The following DENND6A variants were observed in gnomAD, a reference collection of about 807,000 sequenced individuals.
DENND6A encodes the protein protein DENND6A.
DENND6A carries 43 observed loss-of-function variants against 95.5 expected under a neutral mutation model. The observed-to-expected ratio is 0.45, with a 90% CI of 0.35 to 0.58. The LOEUF (loss-of-function observed/expected upper bound fraction) is 0.58. Among genes scored for constraint, DENND6A ranks in the 20% least tolerant of loss-of-function variants. DENND6A has a pLI of 0.00. For missense variants in DENND6A, 574 were observed against 736.0 expected (o/e 0.78, Z 2.55); for synonymous variants, 257 against 260.4 (o/e 0.99, Z 0.13).
chr3:57,641,583 A>G (rs920984050), intron 12 of DENND6A, 70 bp downstream of exon 12: 3 of 1,310,152 alleles, frequency 2.3e-6, no homozygotes, highest in Non-Finnish European at 2.1e-6. Context: ...AAAATAATCA[A>G]GGATGAAAAG....
intron 1 of DENND6A, 35 bp from the exon 2 acceptor site, chr3:57,672,473 T>G (rs2071635001): frequency 7.5e-6 from 12 of 1,591,518 alleles, no homozygotes; most frequent in Non-Finnish European, 1.0e-5. Flanking sequence ...TTAAACATAT[T>G]ATAAACATTA....
In DENND6A at chr3:57,643,850, G is replaced by A. The variant is rs1453060704; in HGVS notation, c.1037+1811C>T. 1.3e-4 allele frequency among the ~76,000 whole-genome samples: 19 copies of A among 149,990 alleles called. No individual in the cohort carries two copies. In the East Asian group the frequency reaches 1.4e-3, roughly 11 times the overall value. The stretch of plus-strand genomic sequence containing the variant: ...TCAAAAAAAAAAAAAAAACTGTACA[G>A]AAATAATTATCAGTCTGGGCCAGGC... On this transcript the variant is annotated intron_variant, in intron 11 of 19. Transcript: ENST00000311128.
intron 1 of DENND6A, among the ~76,000 whole-genome samples, chr3:57,676,422 T>C (rs2071710750): frequency 6.9e-6 from 1 of 145,182 alleles, no homozygotes; most frequent in African/African-American, 2.5e-5. Flanking sequence ...TGTTACAAGA[T>C]GTCTTAGAAA....
At chr3:57,678,186 T>C (rs2077126175) in intron 1 of DENND6A, among the ~76,000 whole-genome samples, 1 of 152,212 alleles carries the variant, frequency 6.6e-6, no homozygotes, top group Non-Finnish European at 1.5e-5. Flanking sequence ...CCTGATACTT[T>C]TTCCAGGATA....
In DENND6A at chr3:57,641,701, G is replaced by A. The variant is rs2153413299; in HGVS notation, c.1084C>T (p.Leu362Phe). ...GVTNPFFAKT[L>F]QHWPHIIRIG... The stretch of plus-strand genomic sequence containing the variant: ...CGAATAATGTGTGGCCAGTGCTGGA[G>A]TGTCTTAGCAAAAAAAGGGTTGGTT... The change falls in exon 12 of 20, where the codon CTC (leucine) becomes TTC (phenylalanine). Residue 362 changes from leucine (L) to phenylalanine (F), a missense_variant. Physicochemically the swap from Leu to Phe is conservative, Grantham distance 22 (BLOSUM62 0). Around this residue, in one of 2 missense-constraint regions of DENND6A, gnomAD observed 452 missense variants for 630.9 expected, o/e 0.72. Transcript: ENST00000311128. The A allele has an allele frequency of 4.3e-6, 7 of 1,613,360 alleles. No homozygotes were observed. Among genetic ancestry groups the A allele is most frequent in the East Asian group, 2.2e-5 (1 of 44,826 alleles).
intron 3 of DENND6A, among the ~76,000 whole-genome samples, chr3:57,669,293 T>C (rs1019701899): frequency 2.7e-4 from 41 of 152,202 alleles, no homozygotes; most frequent in Non-Finnish European, 5.9e-4. Context: ...AATGATGATC[T>C]GTTAAGACAG....
At position 57,645,402 on chromosome 3, in the gene DENND6A, A is replaced by C. The variant is rs578228708; in HGVS notation, c.1037+259T>G. 5.2e-4 allele frequency among the ~76,000 whole-genome samples: 79 copies of C among 152,324 alleles called. No individual in the cohort carries two copies. In the Middle Eastern group the frequency reaches 0.031, roughly 59 times the overall value. ...CTTGAACCCAGGAGGCAGAGGTTGC[A>C]GTGAGCCGAGATCATGCCACTGCAC... On this transcript the variant is annotated intron_variant, in intron 11 of 19. Transcript: ENST00000311128.
rs1226584235 is a variant in DENND6A at position 57,645,664 on chromosome 3, G to A, written c.1034C>T (p.Ala345Val). The A allele has an allele frequency of 3.1e-6, 5 of 1,606,832 alleles. No homozygotes were observed. The South Asian group carries it at 3.3e-5, about 11-fold the overall frequency. Residue 345 changes from alanine to valine, a missense_variant, in exon 11 of 20, where the codon GCT becomes GTT. Around this residue, in one of 2 missense-constraint regions of DENND6A, gnomAD observed 452 missense variants for 630.9 expected, o/e 0.72. Coordinates refer to ENST00000311128, the MANE Select transcript of DENND6A (RefSeq NM_152678.3). ...AATAGAAGTTATTTTTACTTACGGA[G>A]CTTGGGTACGGGTAGTATATTCTTT... The part of the protein sequence containing the change: ...EFKEYTTRTQ[A>V]PPSVILGVTN...
At chr3:57,630,141 C>A (rs1240544629) in intron 18 of DENND6A, among the ~76,000 whole-genome samples, 1 of 152,180 alleles carries the variant, frequency 6.6e-6, no homozygotes, top group Non-Finnish European at 1.5e-5. Flanking sequence ...CACTACTTAG[C>A]AGGGATGTGA....
chr3:57,658,960 A>G (rs1347045746), intron 8 of DENND6A, among the ~76,000 whole-genome samples, 158 bp downstream of exon 8: 3 of 152,206 alleles, frequency 2.0e-5, no homozygotes, highest in Admixed American at 2.0e-4. Context: ...GAAACATTAG[A>G]AAATATATTA....
chr3:57,661,097 CTAAT>C (rs1296301954), intron 6 of DENND6A, among the ~76,000 whole-genome samples: 1 of 151,914 alleles, frequency 6.6e-6, no homozygotes, highest in African/African-American at 2.4e-5. Flanking sequence ...TTTATTACTA[CTAAT>C]TAGCTACAAA....
At chr3:57,635,200 GGTTTT>G (rs140021615) in intron 12 of DENND6A, among the ~76,000 whole-genome samples, 238 of 151,458 alleles carry the variant, frequency 1.6e-3, no homozygotes, top group Non-Finnish European at 1.9e-3. Context: ...GGGTTTGTGG[GGTTTT>G]GTTTTGTTTT....
chr3:57,657,531 A>C, intron 9 of DENND6A, 149 bp downstream of exon 9: 1 of 526,656 alleles, frequency 1.9e-6, no homozygotes, highest in Non-Finnish European at 3.4e-6. Flanking sequence ...ACATGTACCC[A>C]GGGATGAACC....
intron 12 of DENND6A, 144 bp downstream of exon 12, chr3:57,641,509 T>C (rs2070937417): frequency 2.1e-6 from 1 of 472,166 alleles, no homozygotes; most frequent in Non-Finnish European, 3.5e-6. Context: ...CATATTTTAG[T>C]GGGAAATTAG....
intron 1 of DENND6A, among the ~76,000 whole-genome samples, chr3:57,680,353 G>C (rs1186465696): frequency 6.6e-6 from 1 of 152,332 alleles, no homozygotes; most frequent in Non-Finnish European, 1.5e-5. Flanking sequence ...AGGTGATAGC[G>C]GTATTAGGAG....
At chr3:57,672,340 A>C in intron 2 of DENND6A, 42 bp from the exon 3 acceptor site, 1 of 1,608,558 alleles carries the variant, frequency 6.2e-7, no homozygotes. Context: ...ACACATACAT[A>C]ATCAATAAAA....
intron 1 of DENND6A, among the ~76,000 whole-genome samples, chr3:57,688,585 C>G (rs2077232003): frequency 6.6e-6 from 1 of 151,778 alleles, no homozygotes; most frequent in South Asian, 2.1e-4. Flanking sequence ...CATGGAAACC[C>G]AAAGTCAAGC....
chr3:57,671,427 G>A (rs2153416370), intron 3 of DENND6A, among the ~76,000 whole-genome samples: 1 of 152,140 alleles, frequency 6.6e-6, no homozygotes, highest in South Asian at 2.1e-4. Context: ...CTACTCGGGA[G>A]GCTGAGGTGA....
At chr3:57,671,423 G>C (rs544384101) in intron 3 of DENND6A, among the ~76,000 whole-genome samples, 1 of 151,936 alleles carries the variant, frequency 6.6e-6, no homozygotes, top group Non-Finnish European at 1.5e-5. Flanking sequence ...CCAGCTACTC[G>C]GGAGGCTGAG....
Sources: gnomAD v4.1 joint callset for allele counts (sites outside exome capture counted in the v4.1 genomes callset) on GRCh38, gnomAD v4.1.1 for gene constraint, gnomAD v4.1.1 regional missense constraint, MANE v1.5 for transcripts, NCBI Gene and HGNC (gene_info 2026-07-23, HGNC 2026-07-21) for gene names.